The following KYAT1 variants were observed in gnomAD, a reference collection of about 807,000 sequenced individuals.
The protein encoded by KYAT1 is kynurenine aminotransferase 1, also known as kynurenine--oxoglutarate transaminase 1.
In KYAT1, 47 loss-of-function variants were observed where a neutral mutation model predicts 52.4. The observed-to-expected ratio is 0.90, with a 90% CI of 0.71 to 1.14. The LOEUF (loss-of-function observed/expected upper bound fraction) is 1.14, where lower values mean the gene tolerates loss of function less well. KYAT1 is among the 50% of genes most tolerant of loss of function. The probability of loss-of-function intolerance (pLI) is 0.00; values close to 1 mark genes in which losing one functional copy is unlikely to be tolerated. For missense variants in KYAT1, 480 were observed against 557.9 expected (o/e 0.86, Z 1.41); for synonymous variants, 212 against 209.6 (o/e 1.01, Z -0.10).
intron 1 of KYAT1, among the ~76,000 whole-genome samples, chr9:128,857,305 C>T (rs1834784119): frequency 6.6e-6 from 1 of 152,318 alleles, no homozygotes; most frequent in African/African-American, 2.4e-5. Flanking sequence ...AACTCAGAAA[C>T]CGATGCTGGT....
At chr9:128,881,591 G>A (rs1023691615) in intron 1 of KYAT1, among the ~76,000 whole-genome samples, 4 of 152,050 alleles carry the variant, frequency 2.6e-5, no homozygotes, top group Non-Finnish European at 4.4e-5. Flanking sequence ...GGAGTCTGGG[G>A]ACCCAATTCC....
At chr9:128,855,629 T>C (rs1041299185) in intron 1 of KYAT1, among the ~76,000 whole-genome samples, 1 of 152,254 alleles carries the variant, frequency 6.6e-6, no homozygotes, top group Admixed American at 6.5e-5. Flanking sequence ...TTGTAGATTG[T>C]TTACTTGCAT....
intron 1 of KYAT1, among the ~76,000 whole-genome samples, chr9:128,853,686 C>T (rs1834235233): frequency 6.6e-6 from 1 of 152,184 alleles, no homozygotes; most frequent in Non-Finnish European, 1.5e-5. Flanking sequence ...AGCTGACTTG[C>T]TAGTATCATC....
intron 2 of KYAT1, among the ~76,000 whole-genome samples, chr9:128,844,641 G>A (rs1832784170): frequency 6.6e-6 from 1 of 152,048 alleles, no homozygotes; most frequent in South Asian, 2.1e-4. Context: ...AGTGAGCCGA[G>A]ATCATGCCAC....
At chr9:128,835,758 T>C (rs199968196) in intron 9 of KYAT1, 21 bp downstream of exon 9, 71 of 1,608,746 alleles carry the variant, frequency 4.4e-5, no homozygotes, top group Non-Finnish European at 6.0e-5. Flanking sequence ...CACTCCCCCG[T>C]GACGTCCTGC....
chr9:128,877,475 ACT>A (rs1195125480), intron 1 of KYAT1, among the ~76,000 whole-genome samples: 1 of 152,114 alleles, frequency 6.6e-6, no homozygotes, highest in African/African-American at 2.4e-5. Context: ...AGGAAAACTC[ACT>A]CAGCCTAGAG....
At chr9:128,856,241 G>C (rs896888741) in intron 1 of KYAT1, among the ~76,000 whole-genome samples, 2 of 152,186 alleles carry the variant, frequency 1.3e-5, no homozygotes, top group African/African-American at 4.8e-5. Context: ...CTGAGGCAAT[G>C]GTGAAAGCTG....
At chr9:128,865,320 TATATATATATATATATATATATATATA>T (rs1836071012) in intron 1 of KYAT1, among the ~76,000 whole-genome samples, 1 of 1,046 alleles carries the variant, frequency 9.6e-4, no homozygotes, top group Non-Finnish European at 2.3e-3. Flanking sequence ...TATATATATA[TATATATATATATATATATATATATATA>T]TATATATATA....
intron 1 of KYAT1, among the ~76,000 whole-genome samples, chr9:128,862,252 C>T (rs568989495): frequency 5.9e-5 from 9 of 152,312 alleles, no homozygotes; most frequent in African/African-American, 1.9e-4. Flanking sequence ...ATCCTCCTGC[C>T]GCAGCGTCCC....
At position 128,835,869 on chromosome 9, in the gene KYAT1, C is replaced by G; in HGVS notation, c.766-1G>C. On this transcript the variant is annotated splice_acceptor_variant, in intron 8 of 12. Transcript: ENST00000302586. LOFTEE classifies it high-confidence loss of function. ...GATCTGGACCCAGGACCCAGCCCAC[C>G]TGCAGCAGGGGCGCAGGTAGGGGGA... The G allele has an allele frequency of 1.2e-6, 2 of 1,614,168 alleles. No homozygotes were observed. Among genetic ancestry groups the G allele is most frequent in the Non-Finnish European group, 1.7e-6 (2 of 1,180,006 alleles).
chr9:128,855,435 C>T (rs1322210415), intron 1 of KYAT1, among the ~76,000 whole-genome samples: 2 of 152,206 alleles, frequency 1.3e-5, no homozygotes, highest in African/African-American at 2.4e-5. Flanking sequence ...ACTGTGGCCT[C>T]GCACCACATT....
At chr9:128,876,718 CT>C (rs768971202) in intron 1 of KYAT1, among the ~76,000 whole-genome samples, 133 of 136,912 alleles carry the variant, frequency 9.7e-4, no homozygotes, top group Middle Eastern at 4.1e-3. Context: ...GGCACCCGGC[CT>C]TTTTTTTTTT....
chr9:128,838,234 A>C lies in KYAT1; in HGVS notation c.335T>G (p.Val112Gly), dbSNP rs1188221180. Residue 112 changes from valine to glycine, a missense_variant, in exon 4 of 13, where the codon GTG becomes GGG. By Grantham distance (109) the Val-to-Gly change is moderately radical (BLOSUM62 -3). Coordinates refer to ENST00000302586, the MANE Select transcript of KYAT1 (RefSeq NM_004059.5). Reference protein sequence around the residue: ...GALFTAFQALVDEGDEVIIIE... With the variant: ...GALFTAFQALGDEGDEVIIIE... Reference sequence around the variant, plus strand: ...CCCACTCACCTCGTCTCCTTCGTCCACCAGGGCCTGGAAGGCTGTGAACAG... The same window carrying C: ...CCCACTCACCTCGTCTCCTTCGTCCCCCAGGGCCTGGAAGGCTGTGAACAG... The C allele has an allele frequency of 1.9e-6, 3 of 1,614,180 alleles. 1 individual carries two copies. The highest frequency in any genetic ancestry group is 1.3e-5 in the African/African-American group (1 of 75,034).
At chr9:128,849,112 CA>C (rs1313341423) in intron 1 of KYAT1, among the ~76,000 whole-genome samples, 1 of 142,738 alleles carries the variant, frequency 7.0e-6, no homozygotes, top group Non-Finnish European at 1.5e-5. Flanking sequence ...GAGACTGTCT[CA>C]AAAAAAAAGG....
chr9:128,839,255 T>G (rs1362428115), intron 3 of KYAT1, among the ~76,000 whole-genome samples: 2 of 152,124 alleles, frequency 1.3e-5, no homozygotes, highest in Admixed American at 1.3e-4. Context: ...TGAGCCACCG[T>G]GCCTGGCCTG....
chr9:128,837,332 G>C (rs1831308114), intron 6 of KYAT1, among the ~76,000 whole-genome samples: 1 of 152,218 alleles, frequency 6.6e-6, no homozygotes, highest in Non-Finnish European at 1.5e-5. Context: ...CAAGCCCAGT[G>C]CTAAGGGCTG....
At chr9:128,847,718 C>T (rs1000447903) in intron 1 of KYAT1, 7 of 535,218 alleles carry the variant, frequency 1.3e-5, no homozygotes, top group African/African-American at 3.8e-5. Context: ...GCACCAAGTG[C>T]TCTGTTGCAT....
At chr9:128,840,409 C>T (rs1435577812) in intron 3 of KYAT1, among the ~76,000 whole-genome samples, 1 of 152,184 alleles carries the variant, frequency 6.6e-6, no homozygotes, top group African/African-American at 2.4e-5. Context: ...CAGGCACCCA[C>T]CACCACGCCC....
chr9:128,877,838 G>GA (rs1317056042), intron 1 of KYAT1, among the ~76,000 whole-genome samples: 5 of 152,168 alleles, frequency 3.3e-5, no homozygotes, highest in Non-Finnish European at 7.3e-5. Flanking sequence ...AAAATGCCAG[G>GA]AGACTCCCAG....
Sources: allele counts gnomAD v4.1 joint callset (sites outside exome capture counted in the v4.1 genomes callset), GRCh38; gene constraint gnomAD v4.1.1; transcripts MANE v1.5; gene names NCBI Gene and HGNC (gene_info 2026-07-23, HGNC 2026-07-21).